Variants in CBLN2 observed in about 807,000 individuals in gnomAD.
CBLN2 encodes cerebellin-2.
In CBLN2, 7 loss-of-function variants were observed where a neutral mutation model predicts 15.0. The observed-to-expected ratio is 0.47, with a 90% confidence interval of 0.27 to 0.88. The LOEUF (loss-of-function observed/expected upper bound fraction) is 0.88. CBLN2 is among the 40% of genes least tolerant of loss of function. The pLI, the probability that CBLN2 is intolerant of heterozygous loss-of-function variation, is 0.14. For synonymous variants in CBLN2, 149 were observed against 135.2 expected, an observed-to-expected ratio of 1.10 and a Z score of -0.71; for missense variants, 242 against 304.5, an observed-to-expected ratio of 0.79 and a Z score of 1.53.
intron 1 of CBLN2, among the ~76,000 whole-genome samples, chr18:72,624,253 C>T (rs988939157): frequency 6.6e-6 from 1 of 151,540 alleles, no homozygotes; most frequent in African/African-American, 2.4e-5. Context: ...CCATCCTGCC[C>T]TTGCATACTC....
chr18:72,587,077 A>T (rs1171914433), intron 1 of CBLN2, among the ~76,000 whole-genome samples: 1 of 152,026 alleles, frequency 6.6e-6, no homozygotes, highest in Non-Finnish European at 1.5e-5. Context: ...TATATAAAAA[A>T]TATATTAGGG....
intron 1 of CBLN2, among the ~76,000 whole-genome samples, chr18:72,592,119 A>G (rs2069483718): frequency 6.6e-6 from 1 of 152,132 alleles, no homozygotes; most frequent in Non-Finnish European, 1.5e-5. Context: ...TCTGACAAGT[A>G]GTGTACAAAG....
intron 1 of CBLN2, among the ~76,000 whole-genome samples, chr18:72,600,383 G>A (rs2069540050): frequency 6.6e-6 from 1 of 152,132 alleles, no homozygotes; most frequent in African/African-American, 2.4e-5. Context: ...AAGACAGTCA[G>A]GGGAATCAAG....
At chr18:72,630,232 G>A (rs139015520) in intron 1 of CBLN2, among the ~76,000 whole-genome samples, 111 of 152,094 alleles carry the variant, frequency 7.3e-4, no homozygotes, top group African/African-American at 2.4e-3. Flanking sequence ...CAGCACTGGG[G>A]GTACAAAGGT....
intron 1 of CBLN2, among the ~76,000 whole-genome samples, chr18:72,630,774 G>A (rs749068549): frequency 2.0e-5 from 3 of 151,934 alleles, no homozygotes; most frequent in Non-Finnish European, 4.4e-5. Flanking sequence ...TTCTTTGCTG[G>A]TTTCCTTCCT....
chr18:72,619,966 AT>A (rs2069688907), intron 1 of CBLN2, among the ~76,000 whole-genome samples: 1 of 152,202 alleles, frequency 6.6e-6, no homozygotes, highest in Non-Finnish European at 1.5e-5. Flanking sequence ...AACAAACTTC[AT>A]TTACTCAGCT....
intron 1 of CBLN2, among the ~76,000 whole-genome samples, chr18:72,578,541 T>TC (rs1355392425): frequency 6.6e-6 from 1 of 152,208 alleles, no homozygotes; most frequent in Non-Finnish European, 1.5e-5. Context: ...ATACTCTTTG[T>TC]CCCCTCCTTT....
intron 1 of CBLN2, among the ~76,000 whole-genome samples, chr18:72,573,413 CGTGCT>C (rs2069344509): frequency 6.6e-6 from 1 of 152,126 alleles, no homozygotes; most frequent in Admixed American, 6.5e-5. Context: ...GTAAACCTTC[CGTGCT>C]CTGCTTATTC....
intron 1 of CBLN2, among the ~76,000 whole-genome samples, chr18:72,597,777 C>G (rs957468289): frequency 6.6e-6 from 1 of 152,210 alleles, no homozygotes; most frequent in Admixed American, 6.5e-5. Flanking sequence ...TTGCACTCCT[C>G]CTTCTCCTTT....
chr18:72,571,238 T>G (rs956379862), intron 1 of CBLN2, among the ~76,000 whole-genome samples: 3 of 152,138 alleles, frequency 2.0e-5, no homozygotes, highest in African/African-American at 2.4e-5. Context: ...AGCACAAATT[T>G]TAACCAGAAA....
At chr18:72,579,126 C>T (rs1249444216) in intron 1 of CBLN2, among the ~76,000 whole-genome samples, 1 of 152,118 alleles carries the variant, frequency 6.6e-6, no homozygotes, top group Non-Finnish European at 1.5e-5. Context: ...TTGAATGACA[C>T]CACTAATTGA....
intron 1 of CBLN2, among the ~76,000 whole-genome samples, chr18:72,612,192 CT>C (rs982823401): frequency 4.6e-5 from 7 of 152,104 alleles, no homozygotes; most frequent in Non-Finnish European, 8.8e-5. Context: ...CAGCTTTGCT[CT>C]TTTTGCTTAG....
intron 1 of CBLN2, among the ~76,000 whole-genome samples, chr18:72,610,053 C>A (rs752162268): frequency 6.6e-6 from 1 of 152,170 alleles, no homozygotes; most frequent in African/African-American, 2.4e-5. Flanking sequence ...CCAGGGCCAC[C>A]CACACTTTTG....
intron 1 of CBLN2, among the ~76,000 whole-genome samples, chr18:72,637,709 C>A (rs527381528): frequency 6.6e-6 from 1 of 150,984 alleles, no homozygotes; most frequent in Non-Finnish European, 1.5e-5. Flanking sequence ...CGACAGGCAC[C>A]ACGATTACCC....
intron 1 of CBLN2, among the ~76,000 whole-genome samples, chr18:72,582,783 T>G (rs2144920232): frequency 6.6e-6 from 1 of 152,256 alleles, no homozygotes; most frequent in Non-Finnish European, 1.5e-5. Context: ...CATGCTCAGA[T>G]TAAACCCCAG....
intron 1 of CBLN2, among the ~76,000 whole-genome samples, chr18:72,565,849 A>T (rs1257778923): frequency 2.0e-5 from 3 of 152,216 alleles, no homozygotes; most frequent in African/African-American, 7.2e-5. Flanking sequence ...TGCACAGCAG[A>T]GGAAACAATC....
At position 72,544,140 on chromosome 18, in the gene CBLN2, A is replaced by T. The variant is rs2069139632; in HGVS notation, c.-375T>A. The T allele has an allele frequency of 6.6e-6, 1 of 150,502 alleles. No individual in the cohort carries two copies. Among genetic ancestry groups the T allele is most frequent in the African/African-American group, 2.5e-5 (1 of 40,648 alleles). 9.3% of individuals were successfully genotyped at this position (150,502 alleles called of 1,614,324 possible). A position where few individuals can be genotyped will look rare whatever the true frequency, so the allele number is the denominator to read the frequency against. The stretch of plus-strand genomic sequence containing the variant: ...ACCACTTTCATAATGACAGGAGCGA[A>T]AAAAACAATAAGTTAAAAAAAAAAA... On this transcript the variant is annotated 5_prime_UTR_variant, in exon 1 of 5. Coordinates refer to ENST00000269503, the MANE Select transcript of CBLN2 (RefSeq NM_182511.4).
intron 1 of CBLN2, among the ~76,000 whole-genome samples, chr18:72,589,095 G>GGCAAGAATGGAGGCAAGGATGGCC (rs2144927820): frequency 6.6e-6 from 1 of 152,232 alleles, no homozygotes; most frequent in East Asian, 1.9e-4. Flanking sequence ...ATCGGTGGGA[G>GGCAAGAATGGAGGCAAGGATGGCC]GCAAGAATGG....
Position 72,604,189 on chromosome 18 carries a change from G to A in CBLN2, c.15+34136C>T, listed in dbSNP as rs185464653. ...CAGCACTAGAGACTTGCAAAAACAC[G>A]GGCTCCTCCTCAGACCTGTTGAAAC... On this transcript the variant is annotated intron_variant, in intron 1 of 2. Transcript: ENST00000581073. Among the ~76,000 whole-genome samples, 369 of 152,208 alleles carry A rather than the reference G, an allele frequency of 2.4e-3. 4 individuals carry two copies. Among genetic ancestry groups the A allele is most frequent in the African/African-American group, 7.0e-3 (289 of 41,516 alleles).
Sources: allele counts gnomAD v4.1 joint callset (sites outside exome capture counted in the v4.1 genomes callset), GRCh38; gene constraint gnomAD v4.1.1; transcripts MANE v1.5; gene names NCBI Gene and HGNC (gene_info 2026-07-23, HGNC 2026-07-21).